SMURF2: variants seen among roughly 807,000 people sequenced by gnomAD.
SMURF2 encodes E3 ubiquitin-protein ligase SMURF2.
Under a neutral mutation model 109.6 loss-of-function variants are expected in SMURF2, and 48 were observed. That is an observed-to-expected ratio of 0.44 (90% CI 0.35 to 0.56). The LOEUF is 0.56. Among genes scored for constraint, SMURF2 ranks in the 20% least tolerant of loss-of-function variants. The pLI is 0.01. For synonymous variants in SMURF2, 288 were observed against 317.1 expected (o/e 0.91, Z 0.97); for missense variants, 575 against 909.0 (o/e 0.63, Z 4.72).
At chr17:64,601,267 AGATTAAG>A (rs1262085202) in intron 2 of SMURF2, among the ~76,000 whole-genome samples, 2 of 152,108 alleles carry the variant, frequency 1.3e-5, no homozygotes, top group East Asian at 3.9e-4. Context: ...GTGGAAAAAA[AGATTAAG>A]GATTAAGAAA....
At chr17:64,631,977 G>T (rs546223221) in intron 1 of SMURF2, among the ~76,000 whole-genome samples, 2 of 119,840 alleles carry the variant, frequency 1.7e-5, no homozygotes, top group Admixed American at 8.7e-5. Flanking sequence ...GGGGGGGGGG[G>T]GGGTGGACAG....
intron 1 of SMURF2, among the ~76,000 whole-genome samples, chr17:64,609,025 C>T (rs1005408774): frequency 1.3e-5 from 2 of 151,948 alleles, no homozygotes; most frequent in African/African-American, 2.4e-5. Flanking sequence ...GAGCCAATTG[C>T]TATAAAGACA....
At chr17:64,589,381 T>G (rs1555687419) in intron 5 of SMURF2, among the ~76,000 whole-genome samples, 2 of 151,858 alleles carry the variant, frequency 1.3e-5, no homozygotes. Context: ...TATGACTGAA[T>G]TTATTTTTGA....
At chr17:64,594,928 T>C (rs1969797305) in intron 3 of SMURF2, among the ~76,000 whole-genome samples, 1 of 151,954 alleles carries the variant, frequency 6.6e-6, no homozygotes, top group Non-Finnish European at 1.5e-5. Flanking sequence ...AGGCGGAGGT[T>C]GTGGTGAGCC....
intron 9 of SMURF2, among the ~76,000 whole-genome samples, chr17:64,578,074 T>G (rs1555686220): frequency 6.6e-6 from 1 of 151,254 alleles, no homozygotes; most frequent in Non-Finnish European, 1.5e-5. Context: ...GCCACCCGAG[T>G]AGCTGGGATT....
At position 64,546,634 on chromosome 17, in the gene SMURF2, G is replaced by A. The variant is rs529940949; in HGVS notation, c.2072-296C>T. Among the ~76,000 whole-genome samples, 17 of 152,268 alleles carry A rather than the reference G, an allele frequency of 1.1e-4. No individual in the cohort carries two copies. The South Asian group carries it at 3.5e-3, about 32-fold the overall frequency. On this transcript the variant is annotated intron_variant, in intron 17 of 18. Coordinates refer to ENST00000262435, the MANE Select transcript of SMURF2 (RefSeq NM_022739.4). ...TAGAAAGTCAATATCCCAAAAGCAT[G>A]AGAAGAAAAGTAATCAGGCAAATCC...
At chr17:64,604,881 T>C (rs1489620859) in intron 2 of SMURF2, among the ~76,000 whole-genome samples, 2 of 150,686 alleles carry the variant, frequency 1.3e-5, no homozygotes, top group Non-Finnish European at 3.0e-5. Flanking sequence ...GAGGTGGAGT[T>C]TGCAGTGAGC....
At chr17:64,648,163 A>G (rs1473244617) in intron 1 of SMURF2, among the ~76,000 whole-genome samples, 1 of 151,122 alleles carries the variant, frequency 6.6e-6, no homozygotes, top group Admixed American at 6.6e-5. Flanking sequence ...CTAAAAAAAA[A>G]TGTTAAATTA....
At chr17:64,549,419 G>T (rs966227975) in intron 16 of SMURF2, among the ~76,000 whole-genome samples, 5 of 151,736 alleles carry the variant, frequency 3.3e-5, no homozygotes, top group Admixed American at 2.0e-4. Context: ...CTCCAGCCTA[G>T]GCAACAGAGT....
At chr17:64,575,827 T>C (rs900618474) in intron 9 of SMURF2, among the ~76,000 whole-genome samples, 3 of 152,040 alleles carry the variant, frequency 2.0e-5, no homozygotes. Flanking sequence ...CATACAAAGT[T>C]GATTTAGAAT....
chr17:64,554,407 A>AGAGTGGCTATGGGGGGAGG (rs1969089663), intron 15 of SMURF2, among the ~76,000 whole-genome samples: 2 of 152,146 alleles, frequency 1.3e-5, no homozygotes, highest in Non-Finnish European at 1.5e-5. Flanking sequence ...GTTGGGAGAG[A>AGAGTGGCTATGGGGGGAGG]GAGTGGCTAT....
At chr17:64,599,905 G>T (rs1969870663) in intron 2 of SMURF2, among the ~76,000 whole-genome samples, 1 of 152,182 alleles carries the variant, frequency 6.6e-6, no homozygotes, top group Non-Finnish European at 1.5e-5. Flanking sequence ...AGACTTTGAA[G>T]AGTCTAACCA....
intron 1 of SMURF2, among the ~76,000 whole-genome samples, chr17:64,646,396 T>C (rs1333603963): frequency 7.3e-6 from 1 of 136,590 alleles, no homozygotes. Context: ...TTTTTTTTTT[T>C]AAATTGAGAC....
chr17:64,609,646 G>C (rs141090908), intron 1 of SMURF2, among the ~76,000 whole-genome samples: 2 of 129,326 alleles, frequency 1.5e-5, no homozygotes, highest in African/African-American at 4.1e-5. Context: ...AGACTTAAAC[G>C]TAAGACTTAA....
intron 15 of SMURF2, among the ~76,000 whole-genome samples, chr17:64,553,436 G>A (rs1312856242): frequency 6.6e-6 from 1 of 151,784 alleles, no homozygotes; most frequent in African/African-American, 2.4e-5. Context: ...AACCTGGGAG[G>A]CAGAGGTGCA....
intron 12 of SMURF2, among the ~76,000 whole-genome samples, chr17:64,559,843 G>A (rs1369961021): frequency 6.6e-6 from 1 of 151,458 alleles, no homozygotes; most frequent in Non-Finnish European, 1.5e-5. Context: ...TGCCTCCTGG[G>A]TTCAAGTGAT....
intron 1 of SMURF2, among the ~76,000 whole-genome samples, chr17:64,621,557 G>T (rs891244675): frequency 6.6e-6 from 1 of 150,946 alleles, no homozygotes; most frequent in African/African-American, 2.4e-5. Context: ...TCTAGCCTGG[G>T]TGACAGAGCG....
chr17:64,554,826 A>G (rs374254354), intron 15 of SMURF2, 30 bp downstream of exon 15: 244 of 1,604,082 alleles, frequency 1.5e-4, no homozygotes, highest in Non-Finnish European at 2.0e-4. Context: ...ATTTTAAAAA[A>G]TTCAGCCTTG....
chr17:64,561,344 C>A (rs540865551), intron 12 of SMURF2, among the ~76,000 whole-genome samples, 156 bp downstream of exon 12: 1 of 152,140 alleles, frequency 6.6e-6, no homozygotes, highest in African/African-American at 2.4e-5. Context: ...GCCACCCTAA[C>A]CTCATTATGA....
Sources: gnomAD v4.1 joint callset for allele counts (sites outside exome capture counted in the v4.1 genomes callset) on GRCh38, gnomAD v4.1.1 for gene constraint, MANE v1.5 for transcripts, NCBI Gene and HGNC (gene_info 2026-07-23, HGNC 2026-07-21) for gene names.